Variants in PPP1R42 observed in about 807,000 individuals in gnomAD.
PPP1R42 encodes the protein protein phosphatase 1 regulatory subunit 42, also known as leucine rich repeat containing 67.
A neutral mutation model predicts 31.0 loss-of-function variants in PPP1R42; 34 were observed. The ratio of observed to expected loss-of-function variants is 1.10; its 90% CI spans 0.83 to 1.46. The LOEUF (loss-of-function observed/expected upper bound fraction) is 1.46. Among genes scored for constraint, PPP1R42 ranks in the 40% most tolerant of loss-of-function variants. PPP1R42 has a pLI of 0.00. For missense variants in PPP1R42, 268 were observed against 303.0 expected, an observed-to-expected ratio of 0.88 and a Z score of 0.86; for synonymous variants, 103 against 109.8, an observed-to-expected ratio of 0.94 and a Z score of 0.39.
At position 67,014,548 on chromosome 8, in the gene PPP1R42, A is replaced by C. The variant is rs199932826; in HGVS notation, c.174T>G (p.Tyr58Ter). Reference sequence around the variant, plus strand: ...TAGTGATTTGACTAATACAATTATCATATAAATATAAAACACTAAGATTTT... The same window carrying C: ...TAGTGATTTGACTAATACAATTATCCTATAAATATAAAACACTAAGATTTT... ...LCKNLSVLYLYDNCISQITNL... is the reference protein window; with the variant it reads ...LCKNLSVLYL Residue 58 changes from tyrosine (Y) to a stop codon, truncating the protein, a stop_gained, in exon 3 of 8, where the codon TAT becomes TAG. Coordinates refer to ENST00000685739, the MANE Select transcript of PPP1R42 (RefSeq NM_001364910.1). LOFTEE classifies it high-confidence loss of function. 9 of 1,548,196 alleles carry C rather than the reference A, an allele frequency of 5.8e-6. No homozygotes were observed. Among genetic ancestry groups the C allele is most frequent in the Non-Finnish European group, 7.9e-6 (9 of 1,134,000 alleles).
chr8:66,986,419 C>A (rs150372728), intron 6 of PPP1R42, among the ~76,000 whole-genome samples: 3,602 of 152,248 alleles, frequency 0.024, 56 homozygotes, highest in Admixed American at 0.044. Context: ...AGCCCCGAGA[C>A]GGAGGCCGAA....
intron 7 of PPP1R42, among the ~76,000 whole-genome samples, chr8:66,972,665 C>T (rs896901345): frequency 1.3e-5 from 2 of 152,188 alleles, no homozygotes; most frequent in Non-Finnish European, 2.9e-5. Flanking sequence ...CCTGGGATTA[C>T]AGGCATGAGC....
chr8:66,993,695 CTA>C (rs1815254947), intron 5 of PPP1R42, among the ~76,000 whole-genome samples: 1 of 152,168 alleles, frequency 6.6e-6, no homozygotes, highest in Non-Finnish European at 1.5e-5. Flanking sequence ...TTTGGGATGA[CTA>C]TGTGCTTAAT....
chr8:67,000,126 T>A (rs1815440680), intron 5 of PPP1R42, among the ~76,000 whole-genome samples: 1 of 152,168 alleles, frequency 6.6e-6, no homozygotes. Flanking sequence ...CTTTTTTCCT[T>A]CATTTTAATT....
chr8:67,024,562 C>T (rs574884606), intron 1 of PPP1R42, among the ~76,000 whole-genome samples: 1 of 151,554 alleles, frequency 6.6e-6, no homozygotes, highest in African/African-American at 2.4e-5. Flanking sequence ...GCAAGCTCCC[C>T]ATCCCGGGTT....
intron 6 of PPP1R42, among the ~76,000 whole-genome samples, chr8:66,982,914 C>G (rs2130925085): frequency 6.6e-6 from 1 of 151,612 alleles, no homozygotes; most frequent in South Asian, 2.1e-4. Context: ...GTAGCTAGAA[C>G]AATAGCCATG....
intron 3 of PPP1R42, among the ~76,000 whole-genome samples, 200 bp from the exon 4 acceptor site, chr8:67,013,296 T>A (rs541859390): frequency 3.3e-5 from 5 of 152,188 alleles, no homozygotes; most frequent in Admixed American, 6.5e-5. Flanking sequence ...AGTCTAAAAG[T>A]ACATTTTTTT....
Position 66,997,167 on chromosome 8 carries a change from T to C in PPP1R42, c.553-8650A>G, listed in dbSNP as rs568147562. Reference sequence around the variant, plus strand: ...GACTCTTAAAAATCAGTTGACTCTATGTGTGAGTTTATTTATAAACTGTTC... The same window carrying C: ...GACTCTTAAAAATCAGTTGACTCTACGTGTGAGTTTATTTATAAACTGTTC... On this transcript the variant is annotated intron_variant, in intron 5 of 7. Transcript: ENST00000685739. Among the ~76,000 whole-genome samples, 39 of 152,308 alleles carry C rather than the reference T, an allele frequency of 2.6e-4. No individual in the cohort carries two copies. The South Asian group carries it at 7.9e-3, about 31-fold the overall frequency.
chr8:67,027,438 A>T (rs1422063223), intron 1 of PPP1R42, among the ~76,000 whole-genome samples: 2 of 152,226 alleles, frequency 1.3e-5, no homozygotes, highest in Non-Finnish European at 2.9e-5. Flanking sequence ...GGACCTCATC[A>T]GCAAGCTATA....
In PPP1R42 at chr8:66,984,714, C is replaced by T. The variant is rs1004685920; in HGVS notation, c.671-2534G>A. 2.5e-6 allele frequency: 4 copies of T among 1,600,536 alleles called. No individual in the cohort carries two copies. The African/African-American group carries it at 4.0e-5, about 16-fold the overall frequency. Reference sequence around the variant, plus strand: ...CTTCATGCAATTTCTGTCTTTTTGCCATCTGAGCTGTGACATGGGCTTCTA... The same window carrying T: ...CTTCATGCAATTTCTGTCTTTTTGCTATCTGAGCTGTGACATGGGCTTCTA... On this transcript the variant is annotated intron_variant, in intron 6 of 7. Coordinates refer to ENST00000685739, the MANE Select transcript of PPP1R42 (RefSeq NM_001364910.1).
At chr8:67,008,433 G>C (rs1196523093) in intron 5 of PPP1R42, among the ~76,000 whole-genome samples, 1 of 152,108 alleles carries the variant, frequency 6.6e-6, no homozygotes, top group Non-Finnish European at 1.5e-5. Context: ...TTTGGGCCAT[G>C]GCAGTGGCTC....
At chr8:67,024,935 A>ATTT (rs111426449) in intron 1 of PPP1R42, among the ~76,000 whole-genome samples, 1 of 133,798 alleles carries the variant, frequency 7.5e-6, no homozygotes. Flanking sequence ...TAGGATTTTA[A>ATTT]TTTTTTTTTT....
intron 3 of PPP1R42, among the ~76,000 whole-genome samples, chr8:67,013,869 G>A (rs796604921): frequency 5.3e-5 from 8 of 152,272 alleles, no homozygotes; most frequent in East Asian, 1.9e-4. Flanking sequence ...GCTTTTAGCC[G>A]TTTCTTTGAG....
intron 5 of PPP1R42, among the ~76,000 whole-genome samples, chr8:66,999,354 G>T (rs1254831666): frequency 6.6e-6 from 1 of 152,148 alleles, no homozygotes; most frequent in African/African-American, 2.4e-5. Flanking sequence ...CCAAGTAGCT[G>T]GAATGACAGG....
chr8:67,009,140 C>G (rs557561651), intron 5 of PPP1R42, among the ~76,000 whole-genome samples: 5 of 152,128 alleles, frequency 3.3e-5, no homozygotes, highest in Admixed American at 1.3e-4. Flanking sequence ...CATGGTGGTG[C>G]ACATCTGTAG....
At chr8:66,992,327 A>G (rs185860432) in intron 5 of PPP1R42, among the ~76,000 whole-genome samples, 39 of 152,272 alleles carry the variant, frequency 2.6e-4, no homozygotes, top group Non-Finnish European at 5.3e-4. Flanking sequence ...TGTTCTTCAT[A>G]TTGTAGCCAT....
intron 7 of PPP1R42, among the ~76,000 whole-genome samples, chr8:66,973,290 GGTTTTTTGTTTT>G (rs912563628): frequency 1.3e-4 from 19 of 146,720 alleles, no homozygotes; most frequent in South Asian, 8.6e-4. Context: ...TTTTTTTTTT[GGTTTTTTGTTTT>G]GTTTTTTGTT....
At chr8:66,999,038 C>T (rs1012765315) in intron 5 of PPP1R42, among the ~76,000 whole-genome samples, 2 of 151,946 alleles carry the variant, frequency 1.3e-5, no homozygotes, top group Admixed American at 1.3e-4. Context: ...GGGAAGTAGT[C>T]CCTGCTTCTC....
At chr8:66,990,932 A>G (rs1815171495) in intron 5 of PPP1R42, among the ~76,000 whole-genome samples, 1 of 152,178 alleles carries the variant, frequency 6.6e-6, no homozygotes, top group African/African-American at 2.4e-5. Flanking sequence ...AAACTGAGAA[A>G]ACATGACAGG....
Sources: allele counts gnomAD v4.1 joint callset (sites outside exome capture counted in the v4.1 genomes callset), GRCh38; gene constraint gnomAD v4.1.1; transcripts MANE v1.5; gene names NCBI Gene and HGNC (gene_info 2026-07-23, HGNC 2026-07-21).